Variants in CNTLN observed in about 807,000 individuals in gnomAD.
CNTLN encodes centlein.
In CNTLN, 212 loss-of-function variants were observed where a neutral mutation model predicts 180.0. The ratio of observed to expected loss-of-function variants is 1.18; its 90% confidence interval spans 1.05 to 1.32. The LOEUF (loss-of-function observed/expected upper bound fraction) is 1.32, where lower values mean the gene tolerates loss of function less well. Ranked by LOEUF, CNTLN falls within the 40% of genes most tolerant of loss-of-function variation. The pLI is 0.00. For synonymous variants in CNTLN, 722 were observed against 563.1 expected, an observed-to-expected ratio of 1.28 and a Z score of -3.99; for missense variants, 2,095 against 1,610.9, an observed-to-expected ratio of 1.30 and a Z score of -5.14.
chr9:17,355,252 T>A (rs1197112099), intron 12 of CNTLN, among the ~76,000 whole-genome samples: 1 of 152,190 alleles, frequency 6.6e-6, no homozygotes, highest in African/African-American at 2.4e-5. Context: ...CCTGAACTCC[T>A]GACTTCAAGT....
downstream of CNTLN, among the ~76,000 whole-genome samples, chr9:17,505,300 A>C (rs1008377799): frequency 6.6e-6 from 1 of 152,128 alleles, no homozygotes; most frequent in South Asian, 2.1e-4. Flanking sequence ...CTCTCTCTCA[A>C]CATAACGTGG....
intron 5 of CNTLN, among the ~76,000 whole-genome samples, chr9:17,257,588 C>T (rs1826605865): frequency 6.6e-6 from 1 of 151,368 alleles, no homozygotes; most frequent in African/African-American, 2.5e-5. Flanking sequence ...TTTACAGTCC[C>T]ACCAACAGTG....
intron 25 of CNTLN, among the ~76,000 whole-genome samples, chr9:17,499,125 G>A (rs1833610948): frequency 6.6e-6 from 1 of 152,134 alleles, no homozygotes; most frequent in African/African-American, 2.4e-5. Flanking sequence ...CAGACCATGT[G>A]AATTTTTAAA....
rs866112957 is a variant in CNTLN at position 17,461,165 on chromosome 9, G to A, written c.3307-1751G>A. Among the ~76,000 whole-genome samples the A allele has an allele frequency of 8.6e-5, 13 of 151,338 alleles. No homozygotes were observed. In the South Asian group the frequency reaches 2.5e-3, roughly 29 times the overall value. ...ATTAGTATATCATATATAATTTATAGTGATAATATTTATGATATGATATCA... is the reference window on the plus strand; with the variant it reads ...ATTAGTATATCATATATAATTTATAATGATAATATTTATGATATGATATCA... On this transcript the variant is annotated intron_variant, in intron 19 of 25. Coordinates refer to ENST00000380647, the MANE Select transcript of CNTLN (RefSeq NM_017738.4).
At chr9:17,429,759 C>T (rs1240424178) in intron 18 of CNTLN, among the ~76,000 whole-genome samples, 3 of 151,936 alleles carry the variant, frequency 2.0e-5, no homozygotes, top group African/African-American at 7.2e-5. Flanking sequence ...TCTCTCTAAT[C>T]ATCCTGCACA....
intron 7 of CNTLN, chr9:17,302,078 A>G: frequency 1.0e-6 from 1 of 980,406 alleles, no homozygotes; most frequent in Non-Finnish European, 1.2e-6. Context: ...TGTACTGACT[A>G]CACATATGTG....
At chr9:17,231,314 T>A (rs957516977) in intron 3 of CNTLN, among the ~76,000 whole-genome samples, 4 of 152,144 alleles carry the variant, frequency 2.6e-5, no homozygotes, top group Non-Finnish European at 5.9e-5. Context: ...TACTTCTGTA[T>A]CTAGTGAAAT....
chr9:17,236,342 T>G, intron 4 of CNTLN, 67 bp from the exon 5 acceptor site: 1 of 1,331,730 alleles, frequency 7.5e-7, no homozygotes, highest in Non-Finnish European at 1.0e-6. Flanking sequence ...TGATTAGTGC[T>G]CACCATTTTT....
chr9:17,349,959 T>C (rs991713626), intron 12 of CNTLN, among the ~76,000 whole-genome samples: 4 of 152,206 alleles, frequency 2.6e-5, no homozygotes, highest in Admixed American at 2.6e-4. Flanking sequence ...AACCACTCTT[T>C]GGAAGCTAGA....
At chr9:17,298,085 C>G in intron 6 of CNTLN, 105 bp from the exon 7 acceptor site, 1 of 913,288 alleles carries the variant, frequency 1.1e-6, no homozygotes, top group Non-Finnish European at 1.5e-6. Context: ...GTACAAATAA[C>G]AGATGCAAAA....
intron 19 of CNTLN, among the ~76,000 whole-genome samples, chr9:17,461,624 T>A (rs1831453902): frequency 6.6e-6 from 1 of 151,788 alleles, no homozygotes; most frequent in South Asian, 2.1e-4. Flanking sequence ...TCTTTTCAAA[T>A]TCAAATTATT....
intron 18 of CNTLN, among the ~76,000 whole-genome samples, chr9:17,433,094 A>C (rs1168754737): frequency 6.6e-6 from 1 of 151,466 alleles, no homozygotes; most frequent in Non-Finnish European, 1.5e-5. Context: ...ATTATTCTCC[A>C]CTAAATTCCT....
At chr9:17,138,030 A>G (rs908008771) in intron 1 of CNTLN, among the ~76,000 whole-genome samples, 2 of 152,226 alleles carry the variant, frequency 1.3e-5, no homozygotes, top group Non-Finnish European at 2.9e-5. Flanking sequence ...GTAGTAGGTA[A>G]GCTTCCAAAT....
chr9:17,285,878 T>G (rs1483250978), intron 6 of CNTLN, among the ~76,000 whole-genome samples: 1 of 83,832 alleles, frequency 1.2e-5, no homozygotes, highest in African/African-American at 6.9e-5. Context: ...TAAATTTGTT[T>G]GAGTTCATTG....
At chr9:17,275,584 G>C (rs1828257624) in intron 6 of CNTLN, among the ~76,000 whole-genome samples, 1 of 152,034 alleles carries the variant, frequency 6.6e-6, no homozygotes, top group Non-Finnish European at 1.5e-5. Context: ...TTACATTTTA[G>C]AGTATGATGG....
intron 7 of CNTLN, among the ~76,000 whole-genome samples, chr9:17,302,916 A>G (rs1429984242): frequency 6.6e-6 from 1 of 152,174 alleles, no homozygotes; most frequent in Admixed American, 6.5e-5. Context: ...TTATTTTAGA[A>G]ATGTTTTATG....
chr9:17,260,200 A>G (rs533530725), intron 5 of CNTLN, among the ~76,000 whole-genome samples: 1 of 148,340 alleles, frequency 6.7e-6, no homozygotes, highest in East Asian at 2.0e-4. Flanking sequence ...GGTTTCAAAG[A>G]ACATCTTTAT....
intron 8 of CNTLN, among the ~76,000 whole-genome samples, chr9:17,314,687 A>G (rs1474241356): frequency 1.3e-5 from 2 of 152,232 alleles, no homozygotes; most frequent in African/African-American, 2.4e-5. Context: ...AAAATTCATC[A>G]GAATGGGTAA....
chr9:17,270,525 C>T (rs551771089), intron 5 of CNTLN, among the ~76,000 whole-genome samples: 17 of 152,266 alleles, frequency 1.1e-4, no homozygotes, highest in African/African-American at 4.1e-4. Context: ...ATTTTTGCAT[C>T]TATATGCCTA....
Sources: gnomAD v4.1 joint callset for allele counts (sites outside exome capture counted in the v4.1 genomes callset) on GRCh38, gnomAD v4.1.1 for gene constraint, MANE v1.5 for transcripts, NCBI Gene and HGNC (gene_info 2026-07-23, HGNC 2026-07-21) for gene names.